Variants in DLG3 observed in about 807,000 individuals in gnomAD.
DLG3 encodes disks large homolog 3.
In DLG3, 1 loss-of-function variant was observed where a neutral mutation model predicts 64.1. That is an observed-to-expected ratio of 0.02 (90% CI 0.01 to 0.07). The LOEUF (loss-of-function observed/expected upper bound fraction) is 0.07, where lower values mean the gene tolerates loss of function less well. Ranked by LOEUF, DLG3 falls within the 10% of genes least tolerant of loss-of-function variation. The pLI is 1.00. For synonymous variants in DLG3, 245 were observed against 259.8 expected, an observed-to-expected ratio of 0.94 and a Z score of 0.55; for missense variants, 429 against 669.5, an observed-to-expected ratio of 0.64 and a Z score of 3.96.
At chrX:70,452,610 G>GAC (rs780858258) in intron 7 of DLG3, 87 of 1,179,145 alleles carry the variant, frequency 7.4e-5, no homozygotes, top group Non-Finnish European at 9.4e-5. Flanking sequence ...CCAGGGGAGA[G>GAC]AGAGAGGAGC....
At position 70,504,374 on chromosome X, in the gene DLG3, C is replaced by T. The variant is rs1472966958; in HGVS notation, c.*2105C>T. The T allele has an allele frequency of 8.9e-6, 1 of 112,559 alleles. No individual in the cohort carries two copies. Among genetic ancestry groups the T allele is most frequent in the African/African-American group, 3.2e-5 (1 of 30,851 alleles). 9.3% of individuals were successfully genotyped at this position (112,559 alleles called of 1,213,427 possible). On this transcript the variant is annotated 3_prime_UTR_variant, in exon 19 of 19. Coordinates refer to ENST00000374360, the MANE Select transcript of DLG3 (RefSeq NM_021120.4). ...AAACGATAGTTGCAATGAACTGTGG[C>T]TCAGAGACCTTCTTAAAGTAGTTGA...
intron 6 of DLG3, among the ~76,000 whole-genome samples, chrX:70,451,189 C>T (rs1413189581): frequency 1.8e-5 from 2 of 111,424 alleles, no homozygotes; most frequent in African/African-American, 6.6e-5. Flanking sequence ...GCGAACTCCA[C>T]CTCCTGGGTT....
At chrX:70,472,882 C>T (rs184968622) in intron 9 of DLG3, among the ~76,000 whole-genome samples, 10 of 110,827 alleles carry the variant, frequency 9.0e-5, no homozygotes, top group East Asian at 2.8e-4. Flanking sequence ...CCTGTCCGGG[C>T]GCAGTGGCTC....
rs1642762881 is a variant in DLG3 at position 70,500,663 on chromosome X, C to A, written c.2255+83C>A. Reference sequence around the variant, plus strand: ...ATGGAGAAGAAAGTGATTTGCTGGGCAGAAACTTGAAAGAAACTCTGTGCC... The same window carrying A: ...ATGGAGAAGAAAGTGATTTGCTGGGAAGAAACTTGAAAGAAACTCTGTGCC... On this transcript the variant is annotated intron_variant, in intron 17 of 18. Transcript: ENST00000374360. The A allele has an allele frequency of 5.8e-6, 5 of 861,937 alleles. No homozygotes were observed. In the African/African-American group the frequency reaches 6.0e-5, roughly 10 times the overall value. The allele number at this position is 861,937 out of a possible 1,213,427, so 71.0% of individuals were successfully genotyped here.
intron 17 of DLG3, 112 bp downstream of exon 17, chrX:70,500,692 G>GC (rs1311154429): frequency 4.1e-6 from 3 of 736,246 alleles, no homozygotes; most frequent in Non-Finnish European, 6.3e-6. Context: ...CTGTGCCCCA[G>GC]CTCTGGTCAC....
At chrX:70,445,685 C>T in intron 1 of DLG3, 127 bp downstream of exon 1, 1 of 624,782 alleles carries the variant, frequency 1.6e-6, no homozygotes, top group African/African-American at 2.2e-5. Flanking sequence ...CCTAGCATTG[C>T]AGCTGGGCAA....
intron 10 of DLG3, among the ~76,000 whole-genome samples, chrX:70,481,004 G>T (rs1054007708): frequency 8.9e-6 from 1 of 112,037 alleles, no homozygotes; most frequent in Admixed American, 9.4e-5. Flanking sequence ...TAATCTGCCC[G>T]TAACCTTCTC....
chrX:70,500,672 G>T, intron 17 of DLG3, 92 bp downstream of exon 17: 1 of 809,615 alleles, frequency 1.2e-6, no homozygotes, highest in Non-Finnish European at 1.9e-6. Context: ...GCAGAAACTT[G>T]AAAGAAACTC....
At chrX:70,451,482 C>A (rs746938056) in intron 6 of DLG3, among the ~76,000 whole-genome samples, 1 of 111,610 alleles carries the variant, frequency 9.0e-6, no homozygotes, top group South Asian at 3.8e-4. Context: ...CAAAAGGGAG[C>A]TAATGATGTA....
chrX:70,474,908 T>C (rs1325071288), intron 9 of DLG3, among the ~76,000 whole-genome samples: 1 of 112,425 alleles, frequency 8.9e-6, no homozygotes, highest in African/African-American at 3.2e-5. Context: ...TAGTAGTTTA[T>C]CCTTAGTCAG....
intron 9 of DLG3, among the ~76,000 whole-genome samples, chrX:70,460,007 G>A (rs931577064): frequency 1.8e-5 from 2 of 111,160 alleles, no homozygotes; most frequent in African/African-American, 6.5e-5. Flanking sequence ...CTCCCAGGCC[G>A]GGCGCGGTGG....
chrX:70,484,476 T>C (rs1462258110), intron 10 of DLG3, among the ~76,000 whole-genome samples: 1 of 112,058 alleles, frequency 8.9e-6, no homozygotes, highest in East Asian at 2.8e-4. Context: ...TGAGTTTCAA[T>C]AGTGTATTAA....
intron 1 of DLG3, among the ~76,000 whole-genome samples, chrX:70,448,281 G>A (rs1277794065): frequency 8.9e-6 from 1 of 111,969 alleles, no homozygotes; most frequent in Non-Finnish European, 1.9e-5. Flanking sequence ...AGAGCTTACT[G>A]TAATCAAAAG....
At chrX:70,460,952 C>T (rs1304587223) in intron 9 of DLG3, among the ~76,000 whole-genome samples, 3 of 111,743 alleles carry the variant, frequency 2.7e-5, no homozygotes, top group Non-Finnish European at 5.6e-5. Flanking sequence ...ATGGATATAC[C>T]ACGTATTGTT....
chrX:70,500,001 T>C lies in DLG3; in HGVS notation c.2097T>C (p.Asp699=). The C allele has an allele frequency of 8.3e-7, 1 of 1,211,198 alleles. No individual in the cohort carries two copies. The highest frequency in any genetic ancestry group is 1.8e-5 in the South Asian group (1 of 56,876). ...NKFIEAGQFN[D]NLYGTSIQSV... ...TCATCGAGGCGGGCCAATTTAATGA[T>C]AACCTCTATGGGACCAGCATCCAGT... The change falls in exon 16 of 19, where the codon GAT becomes GAC. Residue 699 remains aspartate, a synonymous_variant. Transcript: ENST00000374360.
Position 70,495,415 on chromosome X carries a change from C to A in DLG3, c.1781C>A (p.Pro594Gln). The A allele has an allele frequency of 8.3e-7, 1 of 1,210,578 alleles. No individual in the cohort carries two copies. Among genetic ancestry groups the A allele is most frequent in the Non-Finnish European group, 1.1e-6 (1 of 894,923 alleles). Residue 594 changes from proline (P) to glutamine (Q), a missense_variant, in exon 13 of 19, where the codon CCG becomes CAG. Transcript: ENST00000374360. The part of the protein sequence containing the change: ...TGMIESNRDF[P>Q]GLSDDYYGAK... The stretch of plus-strand genomic sequence containing the variant: ...TGCTGTCTGTGAAATCAGGACTTCC[C>A]GGGGTTAAGTGACGATTATTATGGA...
rs183334865 is a variant in DLG3, at chrX:70,494,433, C to T, written c.1774-975C>T. On this transcript the variant is annotated intron_variant, in intron 12 of 18. Coordinates refer to ENST00000374360, the MANE Select transcript of DLG3 (RefSeq NM_021120.4). ...CTGACTGGTTCTGATAGGAAATGTC[C>T]TTCTGTCAGGCCAGCTTGGTCCACA... is the stretch of plus-strand genomic sequence containing the variant. Among the ~76,000 whole-genome samples the T allele has an allele frequency of 2.4e-3, 274 of 112,083 alleles. 2 individuals are homozygous for T. The highest frequency in any genetic ancestry group is 4.7e-3 in the Middle Eastern group (1 of 212).
chrX:70,457,289 G>C (rs189716242), intron 9 of DLG3, among the ~76,000 whole-genome samples: 1 of 111,806 alleles, frequency 8.9e-6, no homozygotes. Flanking sequence ...ACAGAGGACA[G>C]ACTAGGAAGA....
chrX:70,498,449 G>C, intron 13 of DLG3, 71 bp from the exon 14 acceptor site: 1 of 1,064,078 alleles, frequency 9.4e-7, no homozygotes, highest in Non-Finnish European at 1.3e-6. Flanking sequence ...TGGCAGGGGA[G>C]GGGTACGGGG....
Sources: allele counts gnomAD v4.1 joint callset (sites outside exome capture counted in the v4.1 genomes callset), GRCh38; gene constraint gnomAD v4.1.1; transcripts MANE v1.5; gene names NCBI Gene and HGNC (gene_info 2026-07-23, HGNC 2026-07-21).